Variants in GPC6 observed in about 807,000 individuals in gnomAD.
The protein encoded by GPC6 is glypican 6, also known as glypican-6.
In GPC6, 14 loss-of-function variants were observed where a neutral mutation model predicts 55.2. That is an observed-to-expected ratio of 0.25 (90% CI 0.17 to 0.40). The LOEUF (loss-of-function observed/expected upper bound fraction) is 0.40, where lower values mean the gene tolerates loss of function less well. GPC6 is among the 10% of genes least tolerant of loss of function. The pLI, the probability that GPC6 is intolerant of heterozygous loss-of-function variation, is 1.00. For synonymous variants in GPC6, 278 were observed against 259.6 expected (o/e 1.07, Z -0.68); for missense variants, 641 against 708.5 (o/e 0.90, Z 1.08).
chr13:93,490,573 G>T (rs1252794527), intron 1 of GPC6, among the ~76,000 whole-genome samples: 14 of 129,598 alleles, frequency 1.1e-4, no homozygotes, highest in African/African-American at 3.1e-4. Context: ...CGTTGTGCAG[G>T]TTAGTTACAT....
intron 1 of GPC6, among the ~76,000 whole-genome samples, chr13:93,444,579 C>T (rs565038633): frequency 3.3e-5 from 5 of 152,150 alleles, no homozygotes; most frequent in Non-Finnish European, 7.4e-5. Context: ...TGCACTCCAG[C>T]CTGGGTGACA....
rs934181098 is a variant in GPC6, at chr13:93,245,535, T to C, written c.160+17919T>C. On this transcript the variant is annotated intron_variant, in intron 1 of 8. Transcript: ENST00000377047. ...CCCAGACTTTCTGATTCAGTAGTAG[T>C]TCTGGCCTGGAGTCTGTAATTTGCG... is the stretch of plus-strand genomic sequence containing the variant. 2.6e-5 allele frequency among the ~76,000 whole-genome samples: 4 copies of C among 152,218 alleles called. No individual in the cohort carries two copies. The South Asian group carries it at 6.2e-4, about 24-fold the overall frequency.
chr13:94,111,202 G>C (rs1416645638), intron 4 of GPC6, among the ~76,000 whole-genome samples: 1 of 151,586 alleles, frequency 6.6e-6, no homozygotes, highest in Non-Finnish European at 1.5e-5. Flanking sequence ...TGTTATTGTA[G>C]GTGTTCTTTA....
In GPC6 at chr13:94,213,663, C is replaced by T. The variant is rs549493810; in HGVS notation, c.878-72686C>T. 2.3e-4 allele frequency among the ~76,000 whole-genome samples: 35 copies of T among 152,250 alleles called. No individual in the cohort carries two copies. In the South Asian group the frequency reaches 6.2e-3, roughly 27 times the overall value. ...TTGTCACCCTCCAGCATCCCAGCCC[C>T]GGCTCATCCACATGATGGTGGCAAG... is the stretch of plus-strand genomic sequence containing the variant. On this transcript the variant is annotated intron_variant, in intron 4 of 8. Coordinates refer to ENST00000377047, the MANE Select transcript of GPC6 (RefSeq NM_005708.5).
intron 4 of GPC6, among the ~76,000 whole-genome samples, chr13:94,083,130 G>T (rs1010393846): frequency 2.6e-5 from 4 of 152,016 alleles, no homozygotes; most frequent in Non-Finnish European, 5.9e-5. Context: ...CTTTTGTTTT[G>T]TTTTTTGAGA....
intron 1 of GPC6, among the ~76,000 whole-genome samples, chr13:93,299,402 A>G (rs750412433): frequency 2.0e-4 from 31 of 152,246 alleles, no homozygotes; most frequent in African/African-American, 6.3e-4. Flanking sequence ...ATAAAGTCAG[A>G]AAACATGAAA....
At chr13:94,396,320 G>T (rs950900112) in intron 7 of GPC6, among the ~76,000 whole-genome samples, 3 of 152,176 alleles carry the variant, frequency 2.0e-5, no homozygotes, top group African/African-American at 7.2e-5. Flanking sequence ...ACCCAGATGG[G>T]TGCATGGGGG....
chr13:93,596,358 A>G (rs1212877346), intron 2 of GPC6, among the ~76,000 whole-genome samples: 1 of 152,100 alleles, frequency 6.6e-6, no homozygotes, highest in African/African-American at 2.4e-5. Flanking sequence ...AGTGCTATTC[A>G]GAGAATTGGC....
intron 3 of GPC6, among the ~76,000 whole-genome samples, chr13:93,892,188 C>A (rs1226346205): frequency 2.0e-5 from 3 of 151,954 alleles, no homozygotes; most frequent in South Asian, 2.1e-4. Context: ...ATATACTAAG[C>A]CATCCCTATA....
chr13:94,073,311 A>G (rs1884799744), intron 4 of GPC6, among the ~76,000 whole-genome samples: 1 of 152,234 alleles, frequency 6.6e-6, no homozygotes, highest in Non-Finnish European at 1.5e-5. Context: ...GCTTCTTTAC[A>G]TAAGCTTCTT....
At chr13:93,229,623 A>C (rs760339348) in intron 1 of GPC6, among the ~76,000 whole-genome samples, 4 of 152,122 alleles carry the variant, frequency 2.6e-5, no homozygotes, top group Non-Finnish European at 4.4e-5. Flanking sequence ...TATTTAACTA[A>C]AGAGGTTTTT....
chr13:93,225,009 C>T (rs1475347370), upstream of GPC6, among the ~76,000 whole-genome samples: 2 of 152,192 alleles, frequency 1.3e-5, no homozygotes, highest in Non-Finnish European at 2.9e-5. Context: ...ATTGAGTGCT[C>T]ATTCAATACT....
chr13:94,053,420 C>T (rs758826091), intron 4 of GPC6, among the ~76,000 whole-genome samples: 2 of 152,076 alleles, frequency 1.3e-5, no homozygotes, highest in African/African-American at 4.8e-5. Flanking sequence ...CTTTTGGGGG[C>T]TAAAAGCCCA....
chr13:93,919,788 A>G (rs1169017631), intron 3 of GPC6, among the ~76,000 whole-genome samples: 2 of 152,172 alleles, frequency 1.3e-5, no homozygotes, highest in African/African-American at 2.4e-5. Flanking sequence ...TTCATGTTCA[A>G]ATTTTGTTTC....
intron 2 of GPC6, among the ~76,000 whole-genome samples, chr13:93,666,159 G>A (rs1881124524): frequency 6.6e-6 from 1 of 152,058 alleles, no homozygotes; most frequent in Non-Finnish European, 1.5e-5. Flanking sequence ...ATCAAGTGCT[G>A]GAGCAAACAT....
At chr13:94,386,925 T>C (rs1880437450) in intron 7 of GPC6, among the ~76,000 whole-genome samples, 1 of 152,264 alleles carries the variant, frequency 6.6e-6, no homozygotes. Context: ...CGTACTTCCT[T>C]GATTCAGAAA....
chr13:93,357,676 CA>C (rs35764605), intron 1 of GPC6, among the ~76,000 whole-genome samples: 10,507 of 148,558 alleles, frequency 0.071, 448 homozygotes, highest in East Asian at 0.12. Flanking sequence ...CCCATCTTTA[CA>C]AAAAAAAAAT....
At chr13:93,433,953 C>G (rs1361850800) in intron 1 of GPC6, among the ~76,000 whole-genome samples, 1 of 152,172 alleles carries the variant, frequency 6.6e-6, no homozygotes, top group Admixed American at 6.5e-5. Flanking sequence ...GAAGTTGAGT[C>G]GGTTCCCAGC....
intron 2 of GPC6, among the ~76,000 whole-genome samples, chr13:93,782,215 C>T (rs980672960): frequency 1.3e-5 from 2 of 152,232 alleles, no homozygotes; most frequent in South Asian, 2.1e-4. Flanking sequence ...TTTTACTTAA[C>T]GTAATGTCTT....
Sources: gnomAD v4.1 joint callset for allele counts (sites outside exome capture counted in the v4.1 genomes callset) on GRCh38, gnomAD v4.1.1 for gene constraint, MANE v1.5 for transcripts, NCBI Gene and HGNC (gene_info 2026-07-23, HGNC 2026-07-21) for gene names.